DOK6: variants seen among roughly 807,000 people sequenced by gnomAD.
The protein encoded by DOK6 is downstream of tyrosine kinase 6.
DOK6 carries 22 observed loss-of-function variants against 44.0 expected under a neutral mutation model. That is an observed-to-expected ratio of 0.50 (90% CI 0.36 to 0.71). The LOEUF is 0.71. Among genes scored for constraint, DOK6 ranks in the 30% least tolerant of loss-of-function variants. The probability of loss-of-function intolerance (pLI) is 0.00; values close to 1 mark genes in which losing one functional copy is unlikely to be tolerated. For missense variants in DOK6, 340 were observed against 416.4 expected (o/e 0.82, Z 1.60); for synonymous variants, 166 against 145.5 (o/e 1.14, Z -1.01).
At chr18:69,648,037 T>A (rs1382947799) in intron 3 of DOK6, among the ~76,000 whole-genome samples, 2 of 152,320 alleles carry the variant, frequency 1.3e-5, no homozygotes, top group East Asian at 3.9e-4. Flanking sequence ...AAATACTTGT[T>A]TAGCTATCAT....
At chr18:69,406,303 G>A (rs1916205744) in intron 1 of DOK6, among the ~76,000 whole-genome samples, 1 of 152,020 alleles carries the variant, frequency 6.6e-6, no homozygotes, top group Non-Finnish European at 1.5e-5. Flanking sequence ...ATCTCTATTG[G>A]CAATTTTTTT....
At chr18:69,608,449 C>T (rs936093649) in intron 3 of DOK6, among the ~76,000 whole-genome samples, 1 of 152,102 alleles carries the variant, frequency 6.6e-6, no homozygotes, top group South Asian at 2.1e-4. Context: ...ATACCTCCAG[C>T]TTTATTCCTG....
In DOK6 at chr18:69,688,742, G is replaced by A. The variant is rs139670878; in HGVS notation, c.410-9662G>A. ...TCGCCATGTTGGCCAGGCTGGTCTC[G>A]AACTCTTGACCTCAAATGATCCACC... is the stretch of plus-strand genomic sequence containing the variant. On this transcript the variant is annotated intron_variant, in intron 4 of 7. Coordinates refer to ENST00000382713, the MANE Select transcript of DOK6 (RefSeq NM_152721.6). Among the ~76,000 whole-genome samples the A allele has an allele frequency of 5.6e-3, 850 of 152,194 alleles. 7 individuals are homozygous for A. Among genetic ancestry groups the A allele is most frequent in the African/African-American group, 0.017 (704 of 41,528 alleles).
At chr18:69,744,186 T>C (rs1272814375) in intron 6 of DOK6, among the ~76,000 whole-genome samples, 1 of 152,008 alleles carries the variant, frequency 6.6e-6, no homozygotes, top group Non-Finnish European at 1.5e-5. Flanking sequence ...GGTGGGTGCC[T>C]GTAATCCCAG....
intron 1 of DOK6, among the ~76,000 whole-genome samples, chr18:69,516,001 T>C (rs926985968): frequency 6.6e-6 from 1 of 152,260 alleles, no homozygotes; most frequent in Non-Finnish European, 1.5e-5. Context: ...TAGAAAATGC[T>C]GATCAGTTCT....
chr18:69,715,224 G>C lies in DOK6; in HGVS notation c.599+16631G>C, dbSNP rs76706991. Among the ~76,000 whole-genome samples the C allele has an allele frequency of 4.6e-5, 7 of 152,220 alleles. No individual in the cohort carries two copies. The East Asian group carries it at 1.4e-3, about 29-fold the overall frequency. ...TGGAGATTAATTTTGCCCAGGCCAC[G>C]CAGTTGTTTTTAGAATTAAGTGAGA... On this transcript the variant is annotated intron_variant, in intron 5 of 7. Transcript: ENST00000382713.
chr18:69,577,576 G>A (rs1413143927), intron 2 of DOK6, among the ~76,000 whole-genome samples: 1 of 152,080 alleles, frequency 6.6e-6, no homozygotes, highest in South Asian at 2.1e-4. Context: ...ACATGCAGGT[G>A]TCTCAGGGAA....
At chr18:69,488,009 A>G (rs1179400891) in intron 1 of DOK6, among the ~76,000 whole-genome samples, 2 of 152,176 alleles carry the variant, frequency 1.3e-5, no homozygotes, top group East Asian at 3.9e-4. Context: ...AGCTTAAACA[A>G]CAGAAATTTC....
At chr18:69,782,067 GA>G (rs1317515777) in intron 7 of DOK6, among the ~76,000 whole-genome samples, 2 of 149,846 alleles carry the variant, frequency 1.3e-5, no homozygotes, top group East Asian at 4.0e-4. Context: ...TAATTACTGT[GA>G]AAAAAATGGA....
intron 1 of DOK6, among the ~76,000 whole-genome samples, chr18:69,552,935 G>A (rs1430632268): frequency 6.6e-6 from 1 of 152,222 alleles, no homozygotes; most frequent in East Asian, 1.9e-4. Context: ...AATTTTAGAA[G>A]GCTGTCTATC....
At chr18:69,690,597 T>C (rs969941462) in intron 4 of DOK6, among the ~76,000 whole-genome samples, 2 of 152,228 alleles carry the variant, frequency 1.3e-5, no homozygotes, top group African/African-American at 4.8e-5. Context: ...TCTCATCTTC[T>C]GTGTAATATC....
chr18:69,527,346 C>T (rs1981858838), intron 1 of DOK6, among the ~76,000 whole-genome samples: 1 of 152,114 alleles, frequency 6.6e-6, no homozygotes, highest in Non-Finnish European at 1.5e-5. Flanking sequence ...GCTAGGGAGG[C>T]CTCAGGAAAC....
chr18:69,605,572 TAAC>T (rs1156377153), intron 3 of DOK6, among the ~76,000 whole-genome samples: 3 of 152,174 alleles, frequency 2.0e-5, no homozygotes, highest in Non-Finnish European at 2.9e-5. Flanking sequence ...AAATGAAATG[TAAC>T]AACAATAAAA....
intron 1 of DOK6, among the ~76,000 whole-genome samples, chr18:69,478,711 C>T (rs1036666059): frequency 1.3e-5 from 2 of 152,040 alleles, no homozygotes; most frequent in Non-Finnish European, 2.9e-5. Flanking sequence ...ACTATTTATC[C>T]AATATCCTCT....
At chr18:69,481,320 C>T (rs1244846646) in intron 1 of DOK6, among the ~76,000 whole-genome samples, 2 of 152,010 alleles carry the variant, frequency 1.3e-5, no homozygotes, top group Admixed American at 1.3e-4. Context: ...GTGTGCTGTA[C>T]TCATTAACTC....
intron 3 of DOK6, among the ~76,000 whole-genome samples, chr18:69,650,428 A>T (rs547026448): frequency 6.6e-6 from 1 of 152,206 alleles, no homozygotes. Flanking sequence ...TCCCTATCAC[A>T]TATGAGCCAT....
chr18:69,779,634 T>G (rs571816290), intron 7 of DOK6, among the ~76,000 whole-genome samples: 7 of 152,124 alleles, frequency 4.6e-5, no homozygotes, highest in African/African-American at 1.4e-4. Context: ...ATAAAAAATA[T>G]TATGAGTGCT....
chr18:69,514,646 G>A (rs916009345), intron 1 of DOK6, among the ~76,000 whole-genome samples: 13 of 151,588 alleles, frequency 8.6e-5, no homozygotes, highest in African/African-American at 2.9e-4. Flanking sequence ...CATGATTAAT[G>A]TCATTTAACC....
chr18:69,447,690 A>C (rs563250093), intron 1 of DOK6, among the ~76,000 whole-genome samples: 1 of 152,194 alleles, frequency 6.6e-6, no homozygotes, highest in Admixed American at 6.5e-5. Context: ...TCCTATTTTC[A>C]TGGAGTCAGA....
Sources: allele counts gnomAD v4.1 joint callset (sites outside exome capture counted in the v4.1 genomes callset), GRCh38; gene constraint gnomAD v4.1.1; transcripts MANE v1.5; gene names NCBI Gene and HGNC (gene_info 2026-07-23, HGNC 2026-07-21).